Variants in INSR observed in about 807,000 individuals in gnomAD.
INSR encodes the protein insulin receptor.
In INSR, 67 loss-of-function variants were observed where a neutral mutation model predicts 142.6. That is an observed-to-expected ratio of 0.47 (90% CI 0.39 to 0.58). INSR has a LOEUF of 0.58. Among genes scored for constraint, INSR ranks in the 20% least tolerant of loss-of-function variants. INSR has a pLI of 0.00. For synonymous variants in INSR, 756 were observed against 743.1 expected, an observed-to-expected ratio of 1.02 and a Z score of -0.28; for missense variants, 1,248 against 1,833.2, an observed-to-expected ratio of 0.68 and a Z score of 5.83.
In INSR at chr19:7,135,676, A is replaced by G. The variant is rs551810177; in HGVS notation, c.2683-3359T>C. Among the ~76,000 whole-genome samples the G allele has an allele frequency of 7.9e-5, 12 of 152,144 alleles. 1 individual carries two copies. The South Asian group carries it at 2.5e-3, about 32-fold the overall frequency. ...TATGAAACTAGCAAAAGAAAAAAAA[A>G]ATACCTTCCACCAGCTGGGCACGGT... On this transcript the variant is annotated intron_variant, in intron 13 of 21. Transcript: ENST00000302850.
intron 1 of INSR, among the ~76,000 whole-genome samples, chr19:7,282,481 G>A (rs1298997747): frequency 6.6e-6 from 1 of 151,382 alleles, no homozygotes; most frequent in Non-Finnish European, 1.5e-5. Context: ...TCAGGAGTTT[G>A]AGACCCACCT....
chr19:7,245,589 C>CA (rs1467343139), intron 2 of INSR, among the ~76,000 whole-genome samples: 1 of 152,102 alleles, frequency 6.6e-6, no homozygotes, highest in African/African-American at 2.4e-5. Context: ...GCTGGGACTA[C>CA]AGGCATGTGC....
intron 4 of INSR, 110 bp downstream of exon 4, chr19:7,174,473 A>C: frequency 1.6e-6 from 2 of 1,251,434 alleles, no homozygotes; most frequent in South Asian, 2.4e-5. Flanking sequence ...CCATCCTAAA[A>C]GTGCTGTAGG....
At chr19:7,172,498 C>A in intron 4 of INSR, 64 bp from the exon 5 acceptor site, 1 of 1,544,522 alleles carries the variant, frequency 6.5e-7, no homozygotes, top group Non-Finnish European at 8.9e-7. Flanking sequence ...TCATGATTCT[C>A]CATGGTGAGA....
rs1424523294 is a variant in INSR, at chr19:7,146,236, C to CCTTTTTTTTTTTTT, written c.2268-3147_2268-3146insAAAAAAAAAAAAAG. ...TTCAGTGCAGTATCTTTGTCAAGTTCTTTTTTTTTTTTTTTTTTTTTTGAG... is the reference window on the plus strand; with the variant it reads ...TTCAGTGCAGTATCTTTGTCAAGTTCCTTTTTTTTTTTTTTTTTTTTTTTTTTTTTTTTTTTGAG... On this transcript the variant is annotated intron_variant, in intron 11 of 21. Coordinates refer to ENST00000302850, the MANE Select transcript of INSR (RefSeq NM_000208.4). Among the ~76,000 whole-genome samples, 8 of 110,756 alleles carry CCTTTTTTTTTTTTT rather than the reference C, an allele frequency of 7.2e-5. 4 individuals carry two copies. Among genetic ancestry groups the CCTTTTTTTTTTTTT allele is most frequent in the Non-Finnish European group, 1.1e-4 (6 of 53,232 alleles). 72.7% of individuals were successfully genotyped at this position (110,756 alleles called of 152,430 possible).
chr19:7,268,368 C>T (rs1452558454), intron 1 of INSR: 1 of 924,258 alleles, frequency 1.1e-6, no homozygotes, highest in Middle Eastern at 5.5e-4. Flanking sequence ...CTTTCCTTCC[C>T]GGACTGCTCT....
chr19:7,232,712 A>G (rs976543822), intron 2 of INSR, among the ~76,000 whole-genome samples: 1 of 151,668 alleles, frequency 6.6e-6, no homozygotes, highest in Non-Finnish European at 1.5e-5. Flanking sequence ...TGGGAGGCTG[A>G]GGCAGGAGAA....
In INSR at chr19:7,167,966, A is replaced by G. The variant is rs797045624; in HGVS notation, c.1610+2T>C. The stretch of plus-strand genomic sequence containing the variant: ...CAGCGTCTCTCTAACTCTTCTACTT[A>G]CGCCTCTTTGTAGAACAGCATGAAC... On this transcript the variant is annotated splice_donor_variant, in intron 7 of 21. Coordinates refer to ENST00000302850, the MANE Select transcript of INSR (RefSeq NM_000208.4). LOFTEE classifies it high-confidence loss of function. 1 of 1,613,898 alleles carries G rather than the reference A, an allele frequency of 6.2e-7. No homozygotes were observed. Among genetic ancestry groups the G allele is most frequent in the Admixed American group, 1.7e-5 (1 of 59,988 alleles).
intron 1 of INSR, among the ~76,000 whole-genome samples, chr19:7,291,790 T>A: frequency 6.6e-6 from 1 of 152,052 alleles, no homozygotes; most frequent in South Asian, 2.1e-4. Context: ...ACCACTCATC[T>A]TGGATTTTCT....
At chr19:7,286,967 C>G (rs914402581) in intron 1 of INSR, among the ~76,000 whole-genome samples, 8 of 151,944 alleles carry the variant, frequency 5.3e-5, no homozygotes, top group African/African-American at 1.9e-4. Context: ...CCATCTCAGC[C>G]TCCCAAGTAG....
At chr19:7,222,773 C>G (rs944642338) in intron 2 of INSR, among the ~76,000 whole-genome samples, 1 of 152,124 alleles carries the variant, frequency 6.6e-6, no homozygotes, top group African/African-American at 2.4e-5. Context: ...GAGGGCCAGG[C>G]TGTAGGTAAC....
At chr19:7,149,784 T>A (rs1473131867) in intron 11 of INSR, among the ~76,000 whole-genome samples, 10 of 147,248 alleles carry the variant, frequency 6.8e-5, no homozygotes, top group African/African-American at 2.5e-4. Flanking sequence ...ATCGCACCAC[T>A]GCACTCTAGC....
intron 2 of INSR, among the ~76,000 whole-genome samples, chr19:7,215,724 C>T (rs963307107): frequency 6.6e-5 from 10 of 151,838 alleles, no homozygotes; most frequent in African/African-American, 2.2e-4. Context: ...CATGCCACCA[C>T]GCCTGGCTAA....
chr19:7,293,686 C>T lies in INSR; in HGVS notation c.100+106G>A, dbSNP rs774495674. 4,908 of 963,488 alleles carry T rather than the reference C, an allele frequency of 5.1e-3. 14 individuals carry two copies. The highest frequency in any genetic ancestry group is 6.0e-3 in the Non-Finnish European group (4,559 of 754,980). The allele number at this position is 963,488 out of a possible 1,614,324, so 59.7% of individuals were successfully genotyped here. A position where few individuals can be genotyped will look rare whatever the true frequency, so the allele number is the denominator to read the frequency against. ...TACCGTCCTGGCCACCGCCCCCCGC[C>T]CCTGGGGAGGGTTCTCAGTCCACAA... On this transcript the variant is annotated intron_variant, in intron 1 of 21. Transcript: ENST00000302850.
intron 2 of INSR, among the ~76,000 whole-genome samples, chr19:7,254,397 C>G (rs958864743): frequency 2.0e-5 from 3 of 151,994 alleles, no homozygotes; most frequent in African/African-American, 7.3e-5. Context: ...GGCGTGGTGG[C>G]ATGCACCCAT....
At chr19:7,249,797 C>A (rs1325722263) in intron 2 of INSR, among the ~76,000 whole-genome samples, 1 of 152,112 alleles carries the variant, frequency 6.6e-6, no homozygotes, top group Non-Finnish European at 1.5e-5. Flanking sequence ...TCGAGACCAT[C>A]CTGGCTAACA....
intron 1 of INSR, among the ~76,000 whole-genome samples, chr19:7,289,228 A>G (rs1968425379): frequency 2.0e-5 from 3 of 151,900 alleles, no homozygotes; most frequent in Non-Finnish European, 2.9e-5. Flanking sequence ...GATGCAAGCC[A>G]GATGCTGGGG....
In INSR at chr19:7,192,016, G is replaced by A. The variant is rs1432556507; in HGVS notation, c.653-7379C>T. The stretch of plus-strand genomic sequence containing the variant: ...GGGAGAGAGAGAGAAAGAAAGAAGA[G>A]GGAGAAAGAAAGAGAAAGAAAGAGG... On this transcript the variant is annotated intron_variant, in intron 2 of 21. Coordinates refer to ENST00000302850, the MANE Select transcript of INSR (RefSeq NM_000208.4). The surrounding 1 kb of genome is among the most constrained non-coding windows in gnomAD (Gnocchi z 4.2). 3.5e-5 allele frequency among the ~76,000 whole-genome samples: 5 copies of A among 144,868 alleles called. No individual in the cohort carries two copies. The highest frequency in any genetic ancestry group is 7.5e-5 in the Non-Finnish European group (5 of 66,416).
chr19:7,128,579 T>C (rs1219281680), intron 15 of INSR, among the ~76,000 whole-genome samples: 1 of 152,042 alleles, frequency 6.6e-6, no homozygotes, highest in Non-Finnish European at 1.5e-5. Flanking sequence ...TTTACTTGTT[T>C]ATCAATTGCA....
Sources: gnomAD v4.1 joint callset for allele counts (sites outside exome capture counted in the v4.1 genomes callset) on GRCh38, gnomAD v4.1.1 for gene constraint, Gnocchi (gnomAD v3.1) non-coding constraint, MANE v1.5 for transcripts, NCBI Gene and HGNC (gene_info 2026-07-23, HGNC 2026-07-21) for gene names.